TFEB: variants seen among roughly 807,000 people sequenced by gnomAD.
TFEB encodes the protein T-cell transcription factor EB.
TFEB carries 12 observed loss-of-function variants against 48.0 expected under a neutral mutation model. The ratio of observed to expected loss-of-function variants is 0.25; its 90% confidence interval spans 0.16 to 0.40. The LOEUF (loss-of-function observed/expected upper bound fraction) is 0.40. TFEB is among the 10% of genes least tolerant of loss of function. The pLI, the probability that TFEB is intolerant of heterozygous loss-of-function variation, is 1.00. For missense variants in TFEB, 509 were observed against 640.3 expected (o/e 0.79, Z 2.21); for synonymous variants, 244 against 261.4 (o/e 0.93, Z 0.64).
intron 1 of TFEB, among the ~76,000 whole-genome samples, chr6:41,732,192 C>T (rs1771480655): frequency 6.6e-6 from 1 of 152,096 alleles, no homozygotes; most frequent in South Asian, 2.1e-4. Context: ...AAAGAAGGTC[C>T]CCAGACCACC....
At chr6:41,692,835 G>C (rs939304043) in intron 1 of TFEB, among the ~76,000 whole-genome samples, 5 of 152,216 alleles carry the variant, frequency 3.3e-5, no homozygotes, top group African/African-American at 1.2e-4. Flanking sequence ...TGGGGATATT[G>C]CAAGAGGCAG....
chr6:41,711,368 G>A (rs977970652), intron 1 of TFEB, among the ~76,000 whole-genome samples: 10 of 152,292 alleles, frequency 6.6e-5, no homozygotes, highest in East Asian at 1.9e-4. Context: ...CGTCCCCACC[G>A]CTGTGGCCTT....
intron 1 of TFEB, among the ~76,000 whole-genome samples, chr6:41,697,506 C>A (rs996079269): frequency 5.3e-5 from 8 of 150,352 alleles, no homozygotes; most frequent in Middle Eastern, 3.5e-3. Flanking sequence ...TCTCCAAACC[C>A]CCCCCCTTCC....
At chr6:41,704,284 G>A (rs946870613) in intron 1 of TFEB, among the ~76,000 whole-genome samples, 1 of 152,232 alleles carries the variant, frequency 6.6e-6, no homozygotes, top group African/African-American at 2.4e-5. Flanking sequence ...TCTGGACCCT[G>A]ACAGACCAGA....
Position 41,723,016 on chromosome 6 carries a change from T to C in TFEB, c.-23+12334A>G, listed in dbSNP as rs537293723. On this transcript the variant is annotated intron_variant, in intron 1 of 8. Coordinates refer to ENST00000373033, the MANE Select transcript of TFEB (RefSeq NM_001271944.2). The surrounding 1 kb of genome is among the most constrained non-coding windows in gnomAD (Gnocchi z 6.0). ...GGGCCAGGATTCAAGCAGGTGGATGTAGAGCATATGCTCCCAGCCCCTAAT... is the reference window on the plus strand; with the variant it reads ...GGGCCAGGATTCAAGCAGGTGGATGCAGAGCATATGCTCCCAGCCCCTAAT... Among the ~76,000 whole-genome samples the C allele has an allele frequency of 4.5e-4, 68 of 152,300 alleles. 1 individual carries two copies. The highest frequency in any genetic ancestry group is 1.5e-3 in the African/African-American group (64 of 41,560).
chr6:41,724,282 A>T lies in TFEB; in HGVS notation c.-23+11068T>A, dbSNP rs1443844644. Among the ~76,000 whole-genome samples the T allele has an allele frequency of 2.0e-5, 3 of 152,338 alleles. No individual in the cohort carries two copies. The East Asian group carries it at 5.8e-4, about 29-fold the overall frequency. On this transcript the variant is annotated intron_variant, in intron 1 of 8. Transcript: ENST00000373033. The surrounding 1 kb of genome is among the most constrained non-coding windows in gnomAD (Gnocchi z 4.4). ...GGTGGCCAAGGGATTCCCATCGTTG[A>T]TAAGCAAATACCCTGTATTAAGAAA...
At chr6:41,725,646 C>T (rs1054402688) in intron 1 of TFEB, among the ~76,000 whole-genome samples, 1 of 152,200 alleles carries the variant, frequency 6.6e-6, no homozygotes, top group Non-Finnish European at 1.5e-5. Flanking sequence ...ATCATATATT[C>T]CTATCAGTAA....
intron 1 of TFEB, among the ~76,000 whole-genome samples, chr6:41,709,550 T>A (rs1004093610): frequency 6.6e-6 from 1 of 151,056 alleles, no homozygotes; most frequent in Non-Finnish European, 1.5e-5. Context: ...GATGGATGGA[T>A]GGATGGATGG....
intron 1 of TFEB, among the ~76,000 whole-genome samples, chr6:41,702,840 G>A (rs531765806): frequency 6.6e-5 from 10 of 152,336 alleles, no homozygotes; most frequent in Non-Finnish European, 8.8e-5. Flanking sequence ...ACCCAGCTGC[G>A]TGACCTTGGG....
chr6:41,696,399 AAAG>A (rs1375080768), intron 1 of TFEB, among the ~76,000 whole-genome samples: 2 of 152,204 alleles, frequency 1.3e-5, no homozygotes, highest in African/African-American at 4.8e-5. Context: ...AAAGATAGAT[AAAG>A]AAGTGGTGGG....
At position 41,723,636 on chromosome 6, in the gene TFEB, C is replaced by T; in HGVS notation, c.-23+11714G>A. 1 of 970,688 alleles carries T rather than the reference C, an allele frequency of 1.0e-6. No homozygotes were observed. The highest frequency in any genetic ancestry group is 1.4e-6 in the Non-Finnish European group (1 of 733,502). The allele number at this position is 970,688 out of a possible 1,614,324, so 60.1% of individuals were successfully genotyped here. On this transcript the variant is annotated intron_variant, in intron 1 of 8. Coordinates refer to ENST00000373033, the MANE Select transcript of TFEB (RefSeq NM_001271944.2). This position sits in a 1 kb window ranked among gnomAD's most constrained non-coding sequence, Gnocchi z 6.0. ...AGCTGGAGAGGAAGTTGCACAATCC[C>T]CTGGGAGCTGCAAATGCGGCCGAGG...
intron 1 of TFEB, among the ~76,000 whole-genome samples, chr6:41,692,316 T>G (rs1324950038): frequency 6.6e-6 from 1 of 152,186 alleles, no homozygotes. Context: ...TGAATGCATG[T>G]GTGAAGAAAT....
intron 1 of TFEB, among the ~76,000 whole-genome samples, chr6:41,701,944 CA>C (rs58971184): frequency 4.4e-3 from 478 of 109,638 alleles, no homozygotes; most frequent in Non-Finnish European, 5.2e-3. Context: ...GGCTCCGTCT[CA>C]AAAAAAAAAA....
chr6:41,706,960 C>G (rs1184056815), intron 1 of TFEB, among the ~76,000 whole-genome samples: 2 of 152,174 alleles, frequency 1.3e-5, no homozygotes, highest in East Asian at 3.9e-4. Context: ...GTGTTGAACT[C>G]TGCATGTGAT....
chr6:41,687,613 G>T, intron 6 of TFEB, 140 bp downstream of exon 6: 1 of 1,037,606 alleles, frequency 9.6e-7, no homozygotes, highest in Non-Finnish European at 1.5e-6. Flanking sequence ...GACAGCAATG[G>T]GAGGGCTTAA....
chr6:41,687,250 A>C, intron 6 of TFEB, 81 bp from the exon 7 acceptor site: 2 of 1,406,540 alleles, frequency 1.4e-6, no homozygotes, highest in Non-Finnish European at 2.0e-6. Context: ...CAGCCCAGGG[A>C]GGGGTGCTTC....
intron 1 of TFEB, among the ~76,000 whole-genome samples, chr6:41,702,845 C>G (rs948580878): frequency 6.6e-6 from 1 of 152,214 alleles, no homozygotes; most frequent in Non-Finnish European, 1.5e-5. Context: ...GCTGCGTGAC[C>G]TTGGGCAAGT....
chr6:41,735,150 A>G lies in TFEB; in HGVS notation c.-23+200T>C, dbSNP rs1032881392. ...CGAGGGGGCTCCCGGCTCGGCGGGC[A>G]GCGCCGCTCGGGCCACGCGCTGGGC... On this transcript the variant is annotated intron_variant, in intron 1 of 8. Coordinates refer to ENST00000373033, the MANE Select transcript of TFEB (RefSeq NM_001271944.2). 6 of 947,960 alleles carry G rather than the reference A, an allele frequency of 6.3e-6. No homozygotes were observed. In the Admixed American group the frequency reaches 1.9e-4, roughly 29 times the overall value. 58.7% of individuals were successfully genotyped at this position (947,960 alleles called of 1,614,324 possible).
chr6:41,686,649 G>T, intron 7 of TFEB: 1 of 236,716 alleles, frequency 4.2e-6, no homozygotes, highest in Non-Finnish European at 8.4e-6. Flanking sequence ...CCTAGTAGCT[G>T]GCACTGTAGG....
Sources: allele counts gnomAD v4.1 joint callset (sites outside exome capture counted in the v4.1 genomes callset), GRCh38; gene constraint gnomAD v4.1.1; non-coding constraint Gnocchi (gnomAD v3.1); transcripts MANE v1.5; gene names NCBI Gene and HGNC (gene_info 2026-07-23, HGNC 2026-07-21).